The following CAAP1 variants were observed in gnomAD, a reference collection of about 807,000 sequenced individuals.
CAAP1 encodes conserved anti-apoptotic protein.
In CAAP1, 20 loss-of-function variants were observed where a neutral mutation model predicts 34.0. The ratio of observed to expected loss-of-function variants is 0.59; its 90% confidence interval spans 0.41 to 0.86. The LOEUF is 0.86. Among genes scored for constraint, CAAP1 ranks in the 40% least tolerant of loss-of-function variants. The probability of loss-of-function intolerance (pLI) is 0.00; values close to 1 mark genes in which losing one functional copy is unlikely to be tolerated. For missense variants in CAAP1, 538 were observed against 450.5 expected (o/e 1.19, Z -1.76); for synonymous variants, 213 against 166.7 (o/e 1.28, Z -2.14).
intron 4 of CAAP1, among the ~76,000 whole-genome samples, chr9:26,863,335 G>A (rs185977919): frequency 5.3e-4 from 80 of 152,020 alleles, no homozygotes; most frequent in African/African-American, 1.7e-3. Flanking sequence ...TGAAGTAAAT[G>A]GGGAAAAAAA....
rs117625531 is a variant in CAAP1 at position 26,875,789 on chromosome 9, A to T, written c.665+9021T>A. Reference sequence around the variant, plus strand: ...ATGCCCAGGAAAGTTGCTTGATCTGATTTTTTTTCAAGCAACTAAGAAATC... The same window carrying T: ...ATGCCCAGGAAAGTTGCTTGATCTGTTTTTTTTTCAAGCAACTAAGAAATC... On this transcript the variant is annotated intron_variant, in intron 4 of 5. Coordinates refer to ENST00000333916, the MANE Select transcript of CAAP1 (RefSeq NM_024828.4). Among the ~76,000 whole-genome samples the T allele has an allele frequency of 3.0e-3, 460 of 152,086 alleles. 15 individuals carry two copies. In the East Asian group the frequency reaches 0.075, roughly 25 times the overall value.
At chr9:26,864,400 T>C (rs1823079724) in intron 4 of CAAP1, among the ~76,000 whole-genome samples, 1 of 152,180 alleles carries the variant, frequency 6.6e-6, no homozygotes, top group Non-Finnish European at 1.5e-5. Context: ...TGTAAAATAA[T>C]GGCAAATAAA....
At chr9:26,867,216 G>A (rs1459346625) in intron 4 of CAAP1, among the ~76,000 whole-genome samples, 1 of 152,112 alleles carries the variant, frequency 6.6e-6, no homozygotes, top group Non-Finnish European at 1.5e-5. Flanking sequence ...AAAAGCTTGG[G>A]GATCGCTGCT....
At chr9:26,866,981 G>C (rs900965896) in intron 4 of CAAP1, among the ~76,000 whole-genome samples, 1 of 152,118 alleles carries the variant, frequency 6.6e-6, no homozygotes, top group East Asian at 1.9e-4. Context: ...GAGGTGAGCG[G>C]TGGTGGGCAA....
chr9:26,853,076 G>A (rs182468712), intron 5 of CAAP1, among the ~76,000 whole-genome samples: 2 of 152,160 alleles, frequency 1.3e-5, no homozygotes, highest in East Asian at 3.9e-4. Context: ...GTGTAGAGAT[G>A]GGAAGCTATT....
chr9:26,871,456 A>G (rs1239286864), intron 4 of CAAP1, among the ~76,000 whole-genome samples: 2 of 151,802 alleles, frequency 1.3e-5, no homozygotes, highest in Admixed American at 6.6e-5. Flanking sequence ...ACTCGCCTGT[A>G]ATCCCAGCTA....
At chr9:26,851,411 C>G (rs112681515) in intron 5 of CAAP1, among the ~76,000 whole-genome samples, 1 of 151,924 alleles carries the variant, frequency 6.6e-6, no homozygotes, top group African/African-American at 2.4e-5. Flanking sequence ...GTGAGCCTGA[C>G]AGAATAAAAT....
intron 5 of CAAP1, among the ~76,000 whole-genome samples, chr9:26,852,349 G>T (rs1587092509): frequency 6.6e-6 from 1 of 152,068 alleles, no homozygotes; most frequent in African/African-American, 2.4e-5. Context: ...CAACTACTCA[G>T]GAGGCTGAGG....
intron 4 of CAAP1, among the ~76,000 whole-genome samples, chr9:26,861,803 G>A (rs1457592885): frequency 6.6e-6 from 1 of 152,080 alleles, no homozygotes; most frequent in African/African-American, 2.4e-5. Context: ...AGGTATCTCT[G>A]TTGCCTTCTG....
chr9:26,889,418 C>CA (rs548278382), intron 1 of CAAP1, among the ~76,000 whole-genome samples: 69 of 151,300 alleles, frequency 4.6e-4, no homozygotes, highest in South Asian at 1.7e-3. Flanking sequence ...AACTCTATCT[C>CA]AAAAAAACAA....
At position 26,841,083 on chromosome 9, in the gene CAAP1, T is replaced by C. The variant is rs1278004661; in HGVS notation, c.*1218A>G. The C allele has an allele frequency of 6.6e-6, 1 of 152,148 alleles. No homozygotes were observed. Among genetic ancestry groups the C allele is most frequent in the Non-Finnish European group, 1.5e-5 (1 of 67,998 alleles). The allele number at this position is 152,148 out of a possible 1,614,324, so 9.4% of individuals were successfully genotyped here. A position where few individuals can be genotyped will look rare whatever the true frequency, so the allele number is the denominator to read the frequency against. ...CCAGCGTTTCATAAATGTCCTCTAT[T>C]TCCATTTAAAAACTCTCTAAAATTA... On this transcript the variant is annotated 3_prime_UTR_variant, in exon 6 of 6. Coordinates refer to ENST00000333916, the MANE Select transcript of CAAP1 (RefSeq NM_024828.4).
At chr9:26,880,185 G>T in intron 4 of CAAP1, 1 of 304,270 alleles carries the variant, frequency 3.3e-6, no homozygotes, top group Non-Finnish European at 6.4e-6. Context: ...GGTGTCTTTT[G>T]GCATAATTGT....
chr9:26,869,853 C>T (rs1258823747), intron 4 of CAAP1: 2 of 457,388 alleles, frequency 4.4e-6, no homozygotes, highest in Non-Finnish European at 5.7e-6. Context: ...TAAAACAAAT[C>T]AGTTAAGTGA....
chr9:26,862,578 A>C (rs1823027327), intron 4 of CAAP1, among the ~76,000 whole-genome samples: 1 of 152,146 alleles, frequency 6.6e-6, no homozygotes, highest in Non-Finnish European at 1.5e-5. Context: ...AATGGAAATG[A>C]GTAATGTTCT....
intron 4 of CAAP1, among the ~76,000 whole-genome samples, chr9:26,875,571 T>C (rs895653156): frequency 1.3e-5 from 2 of 152,234 alleles, no homozygotes; most frequent in African/African-American, 4.8e-5. Context: ...TATGTCTCAG[T>C]TGATAAGAAG....
chr9:26,861,032 A>C lies in CAAP1; in HGVS notation c.739+34T>G, dbSNP rs114332590. ...GTAAAATGCTTCTATTCTTCAGGTA[A>C]ATTTTATACAATAATCAAGTACTTG... On this transcript the variant is annotated intron_variant, in intron 5 of 5. Transcript: ENST00000333916. 2,784 of 1,452,546 alleles carry C rather than the reference A, an allele frequency of 1.9e-3. 44 individuals carry two copies. The African/African-American group carries it at 0.033, about 17-fold the overall frequency. The allele number at this position is 1,452,546 out of a possible 1,614,324, so 90.0% of individuals were successfully genotyped here.
intron 4 of CAAP1, among the ~76,000 whole-genome samples, chr9:26,871,914 A>T: frequency 6.7e-6 from 1 of 149,770 alleles, no homozygotes; most frequent in East Asian, 1.9e-4. Context: ...ACTTCATCTC[A>T]AAATAAATAA....
In CAAP1 at chr9:26,842,471, G is replaced by C; in HGVS notation, c.916C>G (p.Leu306Val). The C allele has an allele frequency of 6.2e-7, 1 of 1,614,116 alleles. No homozygotes were observed. The highest frequency in any genetic ancestry group is 8.5e-7 in the Non-Finnish European group (1 of 1,180,012). ...KDIEKSVNEI[L>V]GLAESSPNEP... ...TTTGGGCTAGACTCTGCCAGTCCTA[G>C]AATCTCATTCACACTTTTCTCAATG... Residue 306 changes from leucine (L) to valine (V), a missense_variant, in exon 6 of 6, where the codon CTA becomes GTA. Physicochemically the swap from Leu to Val is conservative, Grantham distance 32 (BLOSUM62 1). Around this residue, in one of 3 missense-constraint regions of CAAP1, gnomAD observed 514 missense variants for 408.4 expected, o/e 1.26. Coordinates refer to ENST00000333916, the MANE Select transcript of CAAP1 (RefSeq NM_024828.4).
intron 5 of CAAP1, among the ~76,000 whole-genome samples, chr9:26,846,015 G>C (rs971696269): frequency 6.6e-6 from 1 of 152,160 alleles, no homozygotes; most frequent in African/African-American, 2.4e-5. Context: ...GAAAAGGAGG[G>C]AAAGGAGGAG....
Sources: gnomAD v4.1 joint callset for allele counts (sites outside exome capture counted in the v4.1 genomes callset) on GRCh38, gnomAD v4.1.1 for gene constraint, gnomAD v4.1.1 regional missense constraint, MANE v1.5 for transcripts, NCBI Gene and HGNC (gene_info 2026-07-23, HGNC 2026-07-21) for gene names.